Variants in KREMEN1 observed in about 807,000 individuals in gnomAD.
KREMEN1 encodes kremen protein 1.
KREMEN1 carries 30 observed loss-of-function variants against 46.5 expected under a neutral mutation model. The ratio of observed to expected loss-of-function variants is 0.65; its 90% confidence interval spans 0.48 to 0.88. KREMEN1 has a LOEUF of 0.88. Among genes scored for constraint, KREMEN1 ranks in the 40% least tolerant of loss-of-function variants. The probability of loss-of-function intolerance (pLI) is 0.00; values close to 1 mark genes in which losing one functional copy is unlikely to be tolerated. For synonymous variants in KREMEN1, 214 were observed against 230.6 expected, an observed-to-expected ratio of 0.93 and a Z score of 0.65; for missense variants, 533 against 596.9, an observed-to-expected ratio of 0.89 and a Z score of 1.11.
In KREMEN1 at chr22:29,137,372, C is replaced by T. The variant is rs1462157741; in HGVS notation, c.662C>T (p.Ser221Leu). 1.3e-6 allele frequency: 2 copies of T among 1,514,872 alleles called. No individual in the cohort carries two copies. The highest frequency in any genetic ancestry group is 4.1e-5 in the Admixed American group (2 of 48,980). 93.8% of individuals were successfully genotyped at this position (1,514,872 alleles called of 1,614,324 possible). A position where few individuals can be genotyped will look rare whatever the true frequency, so the allele number is the denominator to read the frequency against. ...TLVGACGGNY[S>L]AMSSVVYSPD... ...GTGGGCGCCTGCGGTGGGAACTACT[C>T]AGCCATGTCTTCTGTGGTCTATTCC... Residue 221 changes from serine (S) to leucine (L), a missense_variant, in exon 6 of 9, where the codon TCA becomes TTA. Physicochemically the swap from Ser to Leu is moderately radical, Grantham distance 145 (BLOSUM62 -2). Coordinates refer to ENST00000400335, the MANE Select transcript of KREMEN1 (RefSeq NM_001039570.3).
chr22:29,166,448 A>C (rs1481910493), intron 9 of KREMEN1, among the ~76,000 whole-genome samples: 1 of 152,212 alleles, frequency 6.6e-6, no homozygotes, highest in Middle Eastern at 3.2e-3. Context: ...GGGCACAGGC[A>C]TGGGGAGGTC....
In KREMEN1 at chr22:29,144,502, G is replaced by A. The variant is rs1939247617; in HGVS notation, c.*2390G>A. On this transcript the variant is annotated 3_prime_UTR_variant, in exon 9 of 9. Coordinates refer to ENST00000400335, the MANE Select transcript of KREMEN1 (RefSeq NM_001039570.3). ...TTTGATCTGGAAAGAGCAGCTGTCCGCAGGCCTCTGTCTCCAAGAGGCCTG... is the reference window on the plus strand; with the variant it reads ...TTTGATCTGGAAAGAGCAGCTGTCCACAGGCCTCTGTCTCCAAGAGGCCTG... 3 of 985,502 alleles carry A rather than the reference G, an allele frequency of 3.0e-6. No homozygotes were observed. The highest frequency in any genetic ancestry group is 1.2e-6 in the Non-Finnish European group (1 of 829,976). The allele number at this position is 985,502 out of a possible 1,614,324, so 61.0% of individuals were successfully genotyped here.
intron 5 of KREMEN1, among the ~76,000 whole-genome samples, chr22:29,131,536 A>C (rs77603637): frequency 0.43 from 15,544 of 36,468 alleles, 932 homozygotes; most frequent in Middle Eastern, 0.5. Flanking sequence ...ATATATATAT[A>C]TATATATATA....
At chr22:29,151,871 G>C (rs1321333502) in intron 9 of KREMEN1, among the ~76,000 whole-genome samples, 1 of 151,982 alleles carries the variant, frequency 6.6e-6, no homozygotes, top group Non-Finnish European at 1.5e-5. Context: ...TTAGCCAGGT[G>C]TGGTAGCACA....
chr22:29,120,342 G>C (rs2038322318), intron 3 of KREMEN1, among the ~76,000 whole-genome samples: 3 of 151,994 alleles, frequency 2.0e-5, no homozygotes, highest in African/African-American at 7.3e-5. Context: ...AAACAGGGAG[G>C]AGGGAGAGGT....
intron 1 of KREMEN1, among the ~76,000 whole-genome samples, chr22:29,076,040 G>A (rs2037564661): frequency 6.6e-6 from 1 of 152,140 alleles, no homozygotes. Context: ...AGAAGGTAAT[G>A]GAATCTAGAC....
At chr22:29,150,211 C>CAGCAACTG (rs947021918), downstream of KREMEN1, among the ~76,000 whole-genome samples, 1 of 107,710 alleles carries the variant, frequency 9.3e-6, no homozygotes, top group Non-Finnish European at 2.1e-5. Flanking sequence ...GGCCTATGCC[C>CAGCAACTG]AGCAACTGGT....
rs921944750 is a variant in KREMEN1 at position 29,073,461 on chromosome 22, G to A, written c.97+234G>A. 3.3e-5 allele frequency among the ~76,000 whole-genome samples: 5 copies of A among 151,656 alleles called. No individual in the cohort carries two copies. Among genetic ancestry groups the A allele is most frequent in the African/African-American group, 9.7e-5 (4 of 41,292 alleles). On this transcript the variant is annotated intron_variant, in intron 1 of 8. Transcript: ENST00000400335. The surrounding 1 kb of genome is among the most constrained non-coding windows in gnomAD (Gnocchi z 4.4). Reference sequence around the variant, plus strand: ...GTACTGTCCCCCGGCTGCAGGACCCGGTGCTCCTCAGCGACGCCCCTCAGC... The same window carrying A: ...GTACTGTCCCCCGGCTGCAGGACCCAGTGCTCCTCAGCGACGCCCCTCAGC...
intron 1 of KREMEN1, among the ~76,000 whole-genome samples, chr22:29,076,632 C>T (rs1296329287): frequency 6.6e-6 from 1 of 152,206 alleles, no homozygotes; most frequent in Admixed American, 6.5e-5. Context: ...AGACGGATCA[C>T]CTGAGGTCAG....
chr22:29,077,986 T>C (rs2037598508), intron 1 of KREMEN1, among the ~76,000 whole-genome samples: 1 of 152,212 alleles, frequency 6.6e-6, no homozygotes, highest in African/African-American at 2.4e-5. Context: ...GTGCAGTGGC[T>C]CAAGCCTGTA....
At chr22:29,125,122 G>C in intron 4 of KREMEN1, 141 bp from the exon 5 acceptor site, 1 of 788,550 alleles carries the variant, frequency 1.3e-6, no homozygotes. Context: ...TTGCAAGAGT[G>C]GAAGAAGGGG....
At chr22:29,154,976 T>G (rs2038948126) in intron 9 of KREMEN1, among the ~76,000 whole-genome samples, 1 of 152,048 alleles carries the variant, frequency 6.6e-6, no homozygotes, top group Non-Finnish European at 1.5e-5. Flanking sequence ...AAATCCTATG[T>G]CACCATTGAA....
intron 3 of KREMEN1, among the ~76,000 whole-genome samples, chr22:29,111,252 G>A (rs2145792856): frequency 6.6e-6 from 1 of 151,340 alleles, no homozygotes; most frequent in East Asian, 1.9e-4. Context: ...AGACTGCAGT[G>A]AGTATGATTG....
rs571696712 is a variant in KREMEN1, at chr22:29,096,164, G to T, written c.260+1744G>T. Among the ~76,000 whole-genome samples the T allele has an allele frequency of 4.6e-5, 7 of 152,094 alleles. No individual in the cohort carries two copies. The South Asian group carries it at 1.5e-3, about 32-fold the overall frequency. ...CCCATTTTTTATTACCTTCCCCTAG[G>T]TTTTCTATTCATAGGAATAGTTGGT... On this transcript the variant is annotated intron_variant, in intron 2 of 8. Coordinates refer to ENST00000400335, the MANE Select transcript of KREMEN1 (RefSeq NM_001039570.3).
intron 9 of KREMEN1, chr22:29,166,969 C>T: frequency 3.4e-6 from 4 of 1,168,900 alleles, no homozygotes; most frequent in Non-Finnish European, 3.8e-6. Context: ...CAGTCAAATG[C>T]TTCTAACTGT....
At chr22:29,108,853 G>A (rs1340994938) in intron 3 of KREMEN1, among the ~76,000 whole-genome samples, 5 of 152,166 alleles carry the variant, frequency 3.3e-5, no homozygotes, top group Admixed American at 2.0e-4. Flanking sequence ...GCAGTGGCAC[G>A]ATCATGGATC....
chr22:29,100,474 A>T (rs148551166), intron 3 of KREMEN1, among the ~76,000 whole-genome samples: 462 of 152,326 alleles, frequency 3.0e-3, no homozygotes, highest in Middle Eastern at 0.02. Context: ...TGTAGCTGTC[A>T]TGATGCTGTA....
At position 29,073,163 on chromosome 22, in the gene KREMEN1, C is replaced by T; in HGVS notation, c.33C>T (p.Leu11=). The T allele has an allele frequency of 8.6e-7, 1 of 1,160,348 alleles. No individual in the cohort carries two copies. Among genetic ancestry groups the T allele is most frequent in the Non-Finnish European group, 1.1e-6 (1 of 943,790 alleles). The allele number at this position is 1,160,348 out of a possible 1,614,324, so 71.9% of individuals were successfully genotyped here. A position where few individuals can be genotyped will look rare whatever the true frequency, so the allele number is the denominator to read the frequency against. Residue 11 remains leucine (L), a synonymous_variant, in exon 1 of 9, where the codon CTC becomes CTT. Coordinates refer to ENST00000400335, the MANE Select transcript of KREMEN1 (RefSeq NM_001039570.3). This position sits in a 1 kb window ranked among gnomAD's most constrained non-coding sequence, Gnocchi z 4.4. ...CGCCAGCCGCCCGCCTCGCCCTGCT[C>T]TCCGCCGCGGCGCTCACGCTGGCGG... MAPPAARLAL[L]SAAALTLAAR... is the part of the protein sequence containing the mutation.
chr22:29,093,119 T>A (rs2037828220), intron 1 of KREMEN1, among the ~76,000 whole-genome samples: 1 of 152,174 alleles, frequency 6.6e-6, no homozygotes, highest in South Asian at 2.1e-4. Context: ...GGAAGAGAGA[T>A]GTTCTGTGGA....
Sources: allele counts gnomAD v4.1 joint callset (sites outside exome capture counted in the v4.1 genomes callset), GRCh38; gene constraint gnomAD v4.1.1; non-coding constraint Gnocchi (gnomAD v3.1); transcripts MANE v1.5; gene names NCBI Gene and HGNC (gene_info 2026-07-23, HGNC 2026-07-21).